DNAJB13: variants seen among roughly 807,000 people sequenced by gnomAD.
The protein encoded by DNAJB13 is dnaJ homolog subfamily B member 13.
In DNAJB13, 22 loss-of-function variants were observed where a neutral mutation model predicts 35.6. The ratio of observed to expected loss-of-function variants is 0.62; its 90% CI spans 0.44 to 0.88. The LOEUF (loss-of-function observed/expected upper bound fraction) is 0.88, where lower values mean the gene tolerates loss of function less well. Among genes scored for constraint, DNAJB13 ranks in the 40% least tolerant of loss-of-function variants. The pLI, the probability that DNAJB13 is intolerant of heterozygous loss-of-function variation, is 0.00. For synonymous variants in DNAJB13, 136 were observed against 144.2 expected, an observed-to-expected ratio of 0.94 and a Z score of 0.41; for missense variants, 370 against 384.3, an observed-to-expected ratio of 0.96 and a Z score of 0.31.
Position 73,970,144 on chromosome 11 carries a change from A to C in DNAJB13, c.*30A>C, listed in dbSNP as rs767814254. ...GGTGGGCTGGAGCAGGGGTGAGAGGAGGCTAGCCGGGCCTCACCCCACCCC... is the reference window on the plus strand; with the variant it reads ...GGTGGGCTGGAGCAGGGGTGAGAGGCGGCTAGCCGGGCCTCACCCCACCCC... On this transcript the variant is annotated 3_prime_UTR_variant, in exon 8 of 8. Transcript: ENST00000339764. 2.6e-6 allele frequency: 4 copies of C among 1,552,788 alleles called. No individual in the cohort carries two copies. The highest frequency in any genetic ancestry group is 2.6e-6 in the Non-Finnish European group (3 of 1,149,818).
intron 1 of DNAJB13, among the ~76,000 whole-genome samples, chr11:73,955,516 C>T (rs569723703): frequency 1.1e-4 from 17 of 152,006 alleles, no homozygotes; most frequent in African/African-American, 3.9e-4. Flanking sequence ...ACCATGTTGG[C>T]CAGCCTGGTC....
At chr11:73,966,932 A>G (rs1671542457) in intron 5 of DNAJB13, among the ~76,000 whole-genome samples, 1 of 147,998 alleles carries the variant, frequency 6.8e-6, no homozygotes, top group Non-Finnish European at 1.5e-5. Flanking sequence ...AGCTCACTGC[A>G]AACTCCGCCT....
intron 3 of DNAJB13, chr11:73,964,592 G>GA (rs1409835352): frequency 9.0e-5 from 33 of 367,138 alleles, no homozygotes; most frequent in African/African-American, 6.7e-4. Flanking sequence ...GGGCGGGGTG[G>GA]GGGGGGAATG....
chr11:73,968,629 C>T (rs1951192609), intron 6 of DNAJB13, among the ~76,000 whole-genome samples, 171 bp downstream of exon 6: 1 of 152,220 alleles, frequency 6.6e-6, no homozygotes. Context: ...TCTGCACCGC[C>T]TGGATCTGTA....
At chr11:73,965,057 C>T in intron 4 of DNAJB13, 22 bp downstream of exon 4, 12 of 1,539,354 alleles carry the variant, frequency 7.8e-6, no homozygotes, top group Non-Finnish European at 1.0e-5. Context: ...GCTTGCTCCT[C>T]CCGGGAGCCA....
At position 73,970,188 on chromosome 11, in the gene DNAJB13, G is replaced by T; in HGVS notation, c.*74G>T. The T allele has an allele frequency of 6.6e-7, 1 of 1,512,422 alleles. No homozygotes were observed. Among genetic ancestry groups the T allele is most frequent in the Non-Finnish European group, 8.9e-7 (1 of 1,129,534 alleles). 93.7% of individuals were successfully genotyped at this position (1,512,422 alleles called of 1,614,324 possible). A position where few individuals can be genotyped will look rare whatever the true frequency, so the allele number is the denominator to read the frequency against. On this transcript the variant is annotated 3_prime_UTR_variant, in exon 8 of 8. Coordinates refer to ENST00000339764, the MANE Select transcript of DNAJB13 (RefSeq NM_153614.4). ...CCACCCCTACCCGCCACAGCCTCAG[G>T]GTGTGCAGGGGAGCCTGCTGCACAG...
At chr11:73,966,062 T>G (rs745675402) in intron 4 of DNAJB13, 76 bp from the exon 5 acceptor site, 3 of 1,378,328 alleles carry the variant, frequency 2.2e-6, no homozygotes, top group Non-Finnish European at 3.0e-6. Context: ...TGAGTGTTCA[T>G]GAAAATCTGA....
chr11:73,955,849 G>A (rs574130299), intron 1 of DNAJB13, among the ~76,000 whole-genome samples: 19 of 152,230 alleles, frequency 1.2e-4, no homozygotes, highest in Admixed American at 9.8e-4. Context: ...AATTGAGAAA[G>A]GCTGGTTTGG....
rs772284520 is a variant in DNAJB13 at position 73,969,203 on chromosome 11, G to A, written c.721-43G>A. On this transcript the variant is annotated intron_variant, in intron 6 of 7. Coordinates refer to ENST00000339764, the MANE Select transcript of DNAJB13 (RefSeq NM_153614.4). The stretch of plus-strand genomic sequence containing the variant: ...GGTGCCTTCTAAATAGGAGAGCCAT[G>A]GTGACCCTCCTCAGCCCCACCTTTG... The A allele has an allele frequency of 1.2e-5, 9 of 781,888 alleles. No individual in the cohort carries two copies. In the Admixed American group the frequency reaches 1.8e-4, roughly 16 times the overall value. The allele number at this position is 781,888 out of a possible 1,614,324, so 48.4% of individuals were successfully genotyped here.
chr11:73,958,426 T>G lies in DNAJB13; in HGVS notation c.172+6T>G. The G allele has an allele frequency of 2.5e-6, 4 of 1,613,414 alleles. No individual in the cohort carries two copies. Among genetic ancestry groups the G allele is most frequent in the Non-Finnish European group, 3.4e-6 (4 of 1,179,530 alleles). On this transcript the variant is annotated splice_donor_region_variant and intron_variant, in intron 2 of 7. Transcript: ENST00000339764. ...CTACGACGTGCTGAGTGACCGTGAG[T>G]AGGTGTGGGGCTGAGCACCCCGCTT...
chr11:73,966,375 G>C (rs1565177442), intron 5 of DNAJB13, 124 bp downstream of exon 5: 2 of 856,090 alleles, frequency 2.3e-6, no homozygotes, highest in Non-Finnish European at 3.7e-6. Context: ...TCTGTAGAGA[G>C]CCCAGTCTGC....
At position 73,964,817 on chromosome 11, in the gene DNAJB13, G is replaced by GCGCA. The variant is rs1554992128; in HGVS notation, c.335-58_335-57insACGC. 7.9e-5 allele frequency: 120 copies of GCGCA among 1,513,104 alleles called. 2 individuals carry two copies. The African/African-American group carries it at 1.7e-3, about 21-fold the overall frequency. The allele number at this position is 1,513,104 out of a possible 1,614,324, so 93.7% of individuals were successfully genotyped here. The stretch of plus-strand genomic sequence containing the variant: ...TGTGTGTGTGTGTGTGTGTGTGCGC[G>GCGCA]CGCGCGCATGTCTGGGTCTCTGGAT... On this transcript the variant is annotated intron_variant, in intron 3 of 7. Coordinates refer to ENST00000339764, the MANE Select transcript of DNAJB13 (RefSeq NM_153614.4).
At chr11:73,953,353 C>G (rs1396280874) in intron 1 of DNAJB13, among the ~76,000 whole-genome samples, 1 of 152,164 alleles carries the variant, frequency 6.6e-6, no homozygotes, top group African/African-American at 2.4e-5. Flanking sequence ...GCAGAAAAAA[C>G]CTCTCAGACA....
chr11:73,966,397 G>C, intron 5 of DNAJB13, 146 bp downstream of exon 5: 1 of 719,396 alleles, frequency 1.4e-6, no homozygotes, highest in South Asian at 1.7e-5. Context: ...GAGTGGGTGA[G>C]ATGGGATCCC....
At chr11:73,953,989 A>AAAT (rs1275345889) in intron 1 of DNAJB13, among the ~76,000 whole-genome samples, 1 of 125,686 alleles carries the variant, frequency 8.0e-6, no homozygotes, top group African/African-American at 3.3e-5. Context: ...TCTGTCTCAA[A>AAAT]AATAATAATA....
chr11:73,958,206 C>T, intron 1 of DNAJB13, 111 bp from the exon 2 acceptor site: 2 of 1,099,684 alleles, frequency 1.8e-6, no homozygotes, highest in Non-Finnish European at 2.7e-6. Flanking sequence ...CTGGTGAAGT[C>T]ACCCCGGATT....
intron 3 of DNAJB13, among the ~76,000 whole-genome samples, chr11:73,962,144 CTT>C (rs1053196622): frequency 2.4e-4 from 37 of 152,262 alleles, no homozygotes; most frequent in African/African-American, 8.9e-4. Context: ...TCTTCCCAGT[CTT>C]TTGCTAATAT....
At chr11:73,967,871 A>T in intron 5 of DNAJB13, 1 of 197,108 alleles carries the variant, frequency 5.1e-6, no homozygotes, top group South Asian at 1.9e-4. Context: ...GCCTCCCTTT[A>T]TCATGTCTTG....
intron 3 of DNAJB13, chr11:73,964,020 T>C (rs1402473341): frequency 6.6e-6 from 1 of 152,184 alleles, no homozygotes; most frequent in South Asian, 2.1e-4. Context: ...GAAATAATAA[T>C]GTAAGGTTCC....
Sources: gnomAD v4.1 joint callset for allele counts (sites outside exome capture counted in the v4.1 genomes callset) on GRCh38, gnomAD v4.1.1 for gene constraint, MANE v1.5 for transcripts, NCBI Gene and HGNC (gene_info 2026-07-23, HGNC 2026-07-21) for gene names.